Variants in TP73 observed in about 807,000 individuals in gnomAD.
The protein encoded by TP73 is tumor protein p73.
In TP73, 25 loss-of-function variants were observed where a neutral mutation model predicts 62.5. That is an observed-to-expected ratio of 0.40 (90% CI 0.29 to 0.56). The LOEUF (loss-of-function observed/expected upper bound fraction) is 0.56. Among genes scored for constraint, TP73 ranks in the 20% least tolerant of loss-of-function variants. The pLI is 0.46. For synonymous variants in TP73, 423 were observed against 377.5 expected, an observed-to-expected ratio of 1.12 and a Z score of -1.40; for missense variants, 754 against 913.3, an observed-to-expected ratio of 0.83 and a Z score of 2.25.
chr1:3,732,717 C>A (rs1361448149), intron 13 of TP73, 30 bp from the exon 14 acceptor site: 2 of 1,543,816 alleles, frequency 1.3e-6, no homozygotes, highest in Admixed American at 3.7e-5. Flanking sequence ...CTCCACTGCC[C>A]CCTGCCCCTA....
At position 3,727,242 on chromosome 1, in the gene TP73, G is replaced by T; in HGVS notation, c.842+18G>T. On this transcript the variant is annotated intron_variant, in intron 7 of 13. Transcript: ENST00000378295. ...ATGCGGGAGTGAGTCCCGGGCACAC[G>T]GGGTGGAGGTGGGACAGGGCTGGGC... The T allele has an allele frequency of 1.2e-6, 2 of 1,607,516 alleles. No individual in the cohort carries two copies. The highest frequency in any genetic ancestry group is 2.2e-5 in the South Asian group (2 of 90,652).
At chr1:3,697,571 C>T (rs1015922046) in intron 3 of TP73, among the ~76,000 whole-genome samples, 24 of 152,264 alleles carry the variant, frequency 1.6e-4, no homozygotes, top group African/African-American at 5.8e-4. Flanking sequence ...AGCCCCTGCA[C>T]GCTTGCTGGC....
chr1:3,681,848 G>A (rs1242083264), intron 1 of TP73, among the ~76,000 whole-genome samples: 2 of 151,522 alleles, frequency 1.3e-5, no homozygotes, highest in African/African-American at 4.9e-5. Context: ...CCAGACACAG[G>A]GGATCGTAAC....
intron 4 of TP73, among the ~76,000 whole-genome samples, chr1:3,717,701 C>A (rs906735187): frequency 6.6e-6 from 1 of 152,128 alleles, no homozygotes; most frequent in Non-Finnish European, 1.5e-5. Flanking sequence ...GCTGGGGGAG[C>A]GCTGGAGCCG....
chr1:3,728,141 G>A lies in TP73; in HGVS notation c.998G>A (p.Ser333Asn). Residue 333 changes from serine (S) to asparagine (N), a missense_variant, in exon 9 of 14, where the codon AGC becomes AAC. Ser to Asn is a conservative substitution (Grantham distance 46). Coordinates refer to ENST00000378295, the MANE Select transcript of TP73 (RefSeq NM_005427.4). ...GAASKRAFKQ[S>N]PPAVPALGAG... Reference sequence around the variant, plus strand: ...CCTGGCCTTCCAGCCTTCAAGCAGAGCCCCCCTGCCGTCCCCGCCCTTGGT... The same window carrying A: ...CCTGGCCTTCCAGCCTTCAAGCAGAACCCCCCTGCCGTCCCCGCCCTTGGT... The A allele has an allele frequency of 1.9e-6, 3 of 1,610,846 alleles. No homozygotes were observed. The highest frequency in any genetic ancestry group is 2.5e-6 in the Non-Finnish European group (3 of 1,179,848).
At chr1:3,707,420 C>A (rs1469945558) in intron 3 of TP73, 129 bp from the exon 4 acceptor site, 2 of 1,331,822 alleles carry the variant, frequency 1.5e-6, no homozygotes, top group Admixed American at 2.2e-5. Context: ...GGGGGAGAGA[C>A]CCGGGGAAAT....
chr1:3,673,079 C>T (rs1357714357), intron 1 of TP73, among the ~76,000 whole-genome samples: 1 of 152,240 alleles, frequency 6.6e-6, no homozygotes, highest in East Asian at 1.9e-4. Context: ...GCGTTGCATG[C>T]CCCCGGGCAT....
Position 3,700,903 on chromosome 1 carries a change from G to A in TP73, c.187-6646G>A, listed in dbSNP as rs186933857. Among the ~76,000 whole-genome samples the A allele has an allele frequency of 5.3e-5, 8 of 152,340 alleles. No homozygotes were observed. The East Asian group carries it at 1.2e-3, about 22-fold the overall frequency. On this transcript the variant is annotated intron_variant, in intron 3 of 13. Transcript: ENST00000378295. ...TGAAATAGAACAGAACCCATGCGGC[G>A]GGAGGGTGATGATGGGGCCCAGCTC... is the stretch of plus-strand genomic sequence containing the variant.
chr1:3,717,171 C>T (rs1640669754), intron 4 of TP73, among the ~76,000 whole-genome samples: 1 of 152,234 alleles, frequency 6.6e-6, no homozygotes, highest in Non-Finnish European at 1.5e-5. Context: ...CCCAAACCTG[C>T]CCGTGCCGGG....
intron 3 of TP73, among the ~76,000 whole-genome samples, chr1:3,686,831 A>G (rs1645669485): frequency 1.3e-5 from 2 of 152,124 alleles, no homozygotes; most frequent in Non-Finnish European, 2.9e-5. Context: ...CTTTTAAAGA[A>G]TTACATAGCC....
intron 4 of TP73, among the ~76,000 whole-genome samples, chr1:3,718,191 G>T (rs1570587848): frequency 6.6e-6 from 1 of 152,210 alleles, no homozygotes; most frequent in Non-Finnish European, 1.5e-5. Flanking sequence ...GACAGCTCCC[G>T]GCGCGCCCAA....
At position 3,727,106 on chromosome 1, in the gene TP73, C is replaced by A; in HGVS notation, c.733-9C>A. 1.2e-6 allele frequency: 2 copies of A among 1,608,638 alleles called. No individual in the cohort carries two copies. Among genetic ancestry groups the A allele is most frequent in the Non-Finnish European group, 1.7e-6 (2 of 1,176,896 alleles). On this transcript the variant is annotated splice_polypyrimidine_tract_variant and intron_variant, in intron 6 of 13. Coordinates refer to ENST00000378295, the MANE Select transcript of TP73 (RefSeq NM_005427.4). ...ATGCTAGCCCCTCTCCCTGCTCCCC[C>A]ATGTGCAGGTGGGGACGGAATTCAC...
Position 3,733,013 on chromosome 1 carries a change from C to T in TP73, c.1845C>T (p.Asp615=), listed in dbSNP as rs1206945116. ...GPDEWADFGF[D]LPDCKARKQP... ...ACGAGTGGGCGGACTTCGGCTTCGACCTGCCCGACTGCAAGGCCCGCAAGC... is the reference window on the plus strand; with the variant it reads ...ACGAGTGGGCGGACTTCGGCTTCGATCTGCCCGACTGCAAGGCCCGCAAGC... Residue 615 remains aspartate, a synonymous_variant, in exon 14 of 14, where the codon GAC becomes GAT. Coordinates refer to ENST00000378295, the MANE Select transcript of TP73 (RefSeq NM_005427.4). 3 of 1,562,114 alleles carry T rather than the reference C, an allele frequency of 1.9e-6. No individual in the cohort carries two copies. The highest frequency in any genetic ancestry group is 2.6e-6 in the Non-Finnish European group (3 of 1,158,118).
At chr1:3,690,889 A>T in intron 3 of TP73, 1 of 1,569,630 alleles carries the variant, frequency 6.4e-7, no homozygotes, top group Non-Finnish European at 8.6e-7. Flanking sequence ...GCGTGTGCAG[A>T]CCCCCCGGCG....
rs3765746 is a variant in TP73, at chr1:3,703,193, G to A, written c.187-4356G>A. Among the ~76,000 whole-genome samples the A allele has an allele frequency of 3.4e-3, 521 of 152,358 alleles. 21 individuals carry two copies. In the East Asian group the frequency reaches 0.065, roughly 19 times the overall value. The stretch of plus-strand genomic sequence containing the variant: ...ACCCACTGGGGGTGTGACAGGGGCG[G>A]TGACCACAGGCAGGGCCAGCGTGCA... On this transcript the variant is annotated intron_variant, in intron 3 of 13. Transcript: ENST00000378295.
intron 1 of TP73, among the ~76,000 whole-genome samples, chr1:3,674,461 G>A (rs538845587): frequency 6.6e-6 from 1 of 152,372 alleles, no homozygotes; most frequent in South Asian, 2.1e-4. Flanking sequence ...CTGTGGCGGT[G>A]AGGGGGGCTC....
intron 3 of TP73, among the ~76,000 whole-genome samples, chr1:3,700,682 G>A (rs1639084791): frequency 6.6e-6 from 1 of 152,032 alleles, no homozygotes; most frequent in Non-Finnish European, 1.5e-5. Context: ...TGGGGAGGCT[G>A]AGGCAAGATA....
At chr1:3,714,707 G>A (rs76419777) in intron 4 of TP73, among the ~76,000 whole-genome samples, 99 of 152,378 alleles carry the variant, frequency 6.5e-4, no homozygotes, top group African/African-American at 2.3e-3. Flanking sequence ...TCCCGGCCCA[G>A]GGCAGAGGCT....
intron 1 of TP73, among the ~76,000 whole-genome samples, chr1:3,653,175 A>G (rs1442784831): frequency 6.6e-6 from 1 of 152,374 alleles, no homozygotes; most frequent in East Asian, 1.9e-4. Context: ...GCCTTGACCC[A>G]TGGAGTTGGT....
Sources: gnomAD v4.1 joint callset for allele counts (sites outside exome capture counted in the v4.1 genomes callset) on GRCh38, gnomAD v4.1.1 for gene constraint, MANE v1.5 for transcripts, NCBI Gene and HGNC (gene_info 2026-07-23, HGNC 2026-07-21) for gene names.